The following ST3GAL3 variants were observed in gnomAD, a reference collection of about 807,000 sequenced individuals.
The protein encoded by ST3GAL3 is CMP-N-acetylneuraminate-beta-1,4-galactoside alpha-2,3-sialyltransferase.
Under a neutral mutation model 50.1 loss-of-function variants are expected in ST3GAL3, and 21 were observed. The observed-to-expected ratio is 0.42, with a 90% CI of 0.30 to 0.60. The LOEUF (loss-of-function observed/expected upper bound fraction) is 0.60, where lower values mean the gene tolerates loss of function less well. Among genes scored for constraint, ST3GAL3 ranks in the 20% least tolerant of loss-of-function variants. ST3GAL3 has a pLI of 0.19. For missense variants in ST3GAL3, 353 were observed against 489.4 expected, an observed-to-expected ratio of 0.72 and a Z score of 2.63; for synonymous variants, 183 against 190.0, an observed-to-expected ratio of 0.96 and a Z score of 0.30.
intron 3 of ST3GAL3, among the ~76,000 whole-genome samples, chr1:43,800,359 C>T (rs1441708517): frequency 6.6e-6 from 1 of 152,194 alleles, no homozygotes. Context: ...ATTTCCCTGA[C>T]TTGAGATGAT....
intron 1 of ST3GAL3, among the ~76,000 whole-genome samples, chr1:43,730,233 T>C (rs1438652695): frequency 6.6e-6 from 1 of 152,238 alleles, no homozygotes; most frequent in Non-Finnish European, 1.5e-5. Flanking sequence ...CTGCCATATT[T>C]GTTGAAAAGA....
chr1:43,760,967 C>T (rs1462750819), intron 2 of ST3GAL3, among the ~76,000 whole-genome samples: 1 of 152,146 alleles, frequency 6.6e-6, no homozygotes, highest in Non-Finnish European at 1.5e-5. Flanking sequence ...AGAAGCAGGC[C>T]ACAAAGGCCA....
intron 1 of ST3GAL3, among the ~76,000 whole-genome samples, chr1:43,726,813 C>T (rs1352165624): frequency 2.0e-5 from 3 of 151,552 alleles, no homozygotes; most frequent in African/African-American, 7.3e-5. Context: ...AGGCTGGTCT[C>T]GAACTCCTGA....
intron 2 of ST3GAL3, among the ~76,000 whole-genome samples, chr1:43,741,311 T>C (rs974072863): frequency 2.6e-5 from 4 of 152,254 alleles, no homozygotes; most frequent in Non-Finnish European, 4.4e-5. Context: ...CCATCCAGCC[T>C]GTGTGACAGA....
At chr1:43,824,761 TG>T (rs1338363860) in intron 4 of ST3GAL3, 2 of 1,612,702 alleles carry the variant, frequency 1.2e-6, no homozygotes, top group Non-Finnish European at 1.7e-6. Flanking sequence ...CGGTGGTTTT[TG>T]GCCTTGACTG....
intron 11 of ST3GAL3, among the ~76,000 whole-genome samples, chr1:43,924,183 G>A (rs541762967): frequency 9.2e-5 from 14 of 152,130 alleles, no homozygotes; most frequent in Admixed American, 2.6e-4. Context: ...CTGTTGTCTC[G>A]GATAGGGTTC....
At chr1:43,880,781 CA>C (rs1371895728) in intron 5 of ST3GAL3, among the ~76,000 whole-genome samples, 1 of 152,174 alleles carries the variant, frequency 6.6e-6, no homozygotes, top group Non-Finnish European at 1.5e-5. Context: ...TTACCAGAAG[CA>C]ATGCGGTTAA....
chr1:43,807,091 G>T (rs1326015408), intron 3 of ST3GAL3, among the ~76,000 whole-genome samples: 1 of 152,168 alleles, frequency 6.6e-6, no homozygotes, highest in African/African-American at 2.4e-5. Flanking sequence ...CAGGAACATT[G>T]AATATGGCAG....
chr1:43,721,302 T>C (rs1364266950), intron 1 of ST3GAL3, among the ~76,000 whole-genome samples: 2 of 147,220 alleles, frequency 1.4e-5, no homozygotes, highest in Non-Finnish European at 1.5e-5. Context: ...AACCTTTTTT[T>C]TTTTTTTTTT....
chr1:43,824,751 C>T lies in ST3GAL3; in HGVS notation c.209+9818C>T, dbSNP rs189122994. 9.2e-5 allele frequency: 149 copies of T among 1,613,890 alleles called. No individual in the cohort carries two copies. In the East Asian group the frequency reaches 2.2e-3, roughly 24 times the overall value. The stretch of plus-strand genomic sequence containing the variant: ...TGCAGCTCACCGAGGACTCTCTGCA[C>T]GGTGGTTTTTGGCCTTGACTGCATA... On this transcript the variant is annotated intron_variant, in intron 4 of 11. Coordinates refer to ENST00000347631, the MANE Select transcript of ST3GAL3 (RefSeq NM_006279.5).
In ST3GAL3 at chr1:43,772,140, C is replaced by G. The variant is rs374819511; in HGVS notation, c.119-19962C>G. On this transcript the variant is annotated intron_variant, in intron 2 of 11. Transcript: ENST00000347631. ...TCTCTGCTCACCGCAACCTCCGCCT[C>G]CCGGGTTCAAGCGATTCTCCTGCCT... 4 of 398,016 alleles carry G rather than the reference C, an allele frequency of 1.0e-5. No individual in the cohort carries two copies. The Admixed American group carries it at 1.3e-4, about 13-fold the overall frequency. 24.7% of individuals were successfully genotyped at this position (398,016 alleles called of 1,614,324 possible).
At chr1:43,862,775 G>A (rs1349514648) in intron 5 of ST3GAL3, among the ~76,000 whole-genome samples, 2 of 150,686 alleles carry the variant, frequency 1.3e-5, no homozygotes, top group Non-Finnish European at 2.9e-5. Context: ...AATTTAATTA[G>A]CATAATGGTG....
chr1:43,899,429 G>C lies in ST3GAL3; in HGVS notation c.558-112G>C. On this transcript the variant is annotated intron_variant, in intron 8 of 11. Transcript: ENST00000347631. This position sits in a 1 kb window ranked among gnomAD's most constrained non-coding sequence, Gnocchi z 5.4. ...CAGACAACTAGCGGGGGCACCTGGGGAGAATAGGTCCAGGTGACCTGGACT... is the reference window on the plus strand; with the variant it reads ...CAGACAACTAGCGGGGGCACCTGGGCAGAATAGGTCCAGGTGACCTGGACT... The C allele has an allele frequency of 6.4e-7, 1 of 1,572,220 alleles. No individual in the cohort carries two copies.
At chr1:43,893,908 CCTT>C (rs2076998371) in intron 5 of ST3GAL3, among the ~76,000 whole-genome samples, 1 of 152,212 alleles carries the variant, frequency 6.6e-6, no homozygotes, top group Non-Finnish European at 1.5e-5. Context: ...CATGAATTCT[CCTT>C]CTTCCTCACT....
intron 5 of ST3GAL3, among the ~76,000 whole-genome samples, chr1:43,887,919 C>T (rs1234389417): frequency 6.6e-6 from 1 of 152,004 alleles, no homozygotes; most frequent in Admixed American, 6.6e-5. Context: ...CCTGATCTCC[C>T]CATCACCATG....
Position 43,762,015 on chromosome 1 carries a change from C to T in ST3GAL3, c.118+25635C>T, listed in dbSNP as rs905667990. ...GCTTGGTGGCTCATACCTGCAATCC[C>T]AGCACTTTGGGAGGCCAAGGCAGGA... is the stretch of plus-strand genomic sequence containing the variant. On this transcript the variant is annotated intron_variant, in intron 2 of 11. Transcript: ENST00000347631. 4.7e-5 allele frequency among the ~76,000 whole-genome samples: 7 copies of T among 148,928 alleles called. No individual in the cohort carries two copies. The East Asian group carries it at 1.4e-3, about 29-fold the overall frequency.
intron 9 of ST3GAL3, among the ~76,000 whole-genome samples, chr1:43,905,533 C>T (rs572195325): frequency 1.0e-4 from 14 of 135,240 alleles, no homozygotes; most frequent in African/African-American, 2.3e-4. Context: ...TGTCACTTTT[C>T]CTCCCCCTCC....
chr1:43,741,719 A>G (rs1169306595), intron 2 of ST3GAL3, among the ~76,000 whole-genome samples: 1 of 152,172 alleles, frequency 6.6e-6, no homozygotes, highest in Non-Finnish European at 1.5e-5. Context: ...CTCTATAGGA[A>G]GCTATAAAAC....
At chr1:43,732,217 G>A (rs906997958) in intron 1 of ST3GAL3, among the ~76,000 whole-genome samples, 3 of 152,168 alleles carry the variant, frequency 2.0e-5, no homozygotes, top group Admixed American at 1.3e-4. Flanking sequence ...CTGTGTACTG[G>A]CAGCTGGTCT....
Sources: gnomAD v4.1 joint callset for allele counts (sites outside exome capture counted in the v4.1 genomes callset) on GRCh38, gnomAD v4.1.1 for gene constraint, Gnocchi (gnomAD v3.1) non-coding constraint, MANE v1.5 for transcripts, NCBI Gene and HGNC (gene_info 2026-07-23, HGNC 2026-07-21) for gene names.